The following LIMA1 variants were observed in gnomAD, a reference collection of about 807,000 sequenced individuals.
LIMA1 encodes LIM domain and actin-binding protein 1.
Under a neutral mutation model 62.6 loss-of-function variants are expected in LIMA1, and 52 were observed. That is an observed-to-expected ratio of 0.83 (90% CI 0.67 to 1.05). LIMA1 has a LOEUF of 1.05. Ranked by LOEUF, LIMA1 falls within the 50% of genes least tolerant of loss-of-function variation. The pLI is 0.00. For missense variants in LIMA1, 780 were observed against 902.2 expected (o/e 0.86, Z 1.74); for synonymous variants, 302 against 317.8 (o/e 0.95, Z 0.53).
chr12:50,215,459 ATTTAT>A (rs1237917624), intron 4 of LIMA1, among the ~76,000 whole-genome samples: 1 of 151,704 alleles, frequency 6.6e-6, no homozygotes, highest in Non-Finnish European at 1.5e-5. Context: ...ATATTGCTTT[ATTTAT>A]TTTATTTATT....
chr12:50,272,317 C>T (rs1209609694), intron 1 of LIMA1, among the ~76,000 whole-genome samples: 3 of 151,736 alleles, frequency 2.0e-5, no homozygotes, highest in African/African-American at 2.4e-5. Flanking sequence ...TGGCCGGGCA[C>T]GGTGGCTCAT....
chr12:50,273,121 A>T (rs1031064016), intron 1 of LIMA1, among the ~76,000 whole-genome samples: 1 of 151,552 alleles, frequency 6.6e-6, no homozygotes, highest in Non-Finnish European at 1.5e-5. Context: ...TCCCAGGCTA[A>T]TTTTTGTAAT....
intron 2 of LIMA1, among the ~76,000 whole-genome samples, chr12:50,242,833 C>T (rs1941797095): frequency 6.6e-6 from 1 of 152,144 alleles, no homozygotes; most frequent in South Asian, 2.1e-4. Flanking sequence ...GGATCTGGGC[C>T]TGGGATCTGG....
At chr12:50,186,547 C>T (rs1464481783) in intron 9 of LIMA1, 1 of 152,516 alleles carries the variant, frequency 6.6e-6, no homozygotes, top group Non-Finnish European at 1.5e-5. Flanking sequence ...GGGGTAGTGC[C>T]CAGAGCATAG....
chr12:50,276,585 T>C (rs750235572), intron 1 of LIMA1, among the ~76,000 whole-genome samples: 3 of 152,066 alleles, frequency 2.0e-5, no homozygotes, highest in Non-Finnish European at 4.4e-5. Context: ...AATTTAAAAA[T>C]CCAGGCTGGG....
chr12:50,201,322 G>A (rs886662134), intron 6 of LIMA1: 35 of 987,220 alleles, frequency 3.5e-5, no homozygotes, highest in East Asian at 2.3e-4. Flanking sequence ...ATAAATGCCC[G>A]GCCTGGAAAG....
chr12:50,251,450 G>C lies in LIMA1; in HGVS notation c.-23-2676C>G, dbSNP rs1426821389. Among the ~76,000 whole-genome samples, 6 of 151,972 alleles carry C rather than the reference G, an allele frequency of 3.9e-5. No individual in the cohort carries two copies. In the East Asian group the frequency reaches 9.7e-4, roughly 25 times the overall value. ...AGCCTGACCAACATGGTGAAACCCA[G>C]ACTCTACTAAAAATACAAAAATTAG... On this transcript the variant is annotated intron_variant, in intron 1 of 10. Coordinates refer to ENST00000341247, the MANE Select transcript of LIMA1 (RefSeq NM_016357.5).
At position 50,177,600 on chromosome 12, in the gene LIMA1, A is replaced by T; in HGVS notation, c.1744T>A (p.Ser582Thr). 6.2e-7 allele frequency: 1 copy of T among 1,611,558 alleles called. No individual in the cohort carries two copies. The highest frequency in any genetic ancestry group is 1.7e-4 in the Middle Eastern group (1 of 6,042). The change falls in exon 11 of 11, where the codon TCT (serine) becomes ACT (threonine). Residue 582 changes from serine to threonine, a missense_variant. Physicochemically the swap from Ser to Thr is moderately conservative, Grantham distance 58 (BLOSUM62 1). Coordinates refer to ENST00000341247, the MANE Select transcript of LIMA1 (RefSeq NM_016357.5). ...GGGCGGCTTCTTTCCTTCAGTGAAG[A>T]AGATCGTCTTAGCTTCTTCAGATCT... ...DLDLKKLRRSSSLKERSRPFT... is the reference protein window; with the variant it reads ...DLDLKKLRRSTSLKERSRPFT...
At chr12:50,229,310 T>C (rs1445483513) in intron 3 of LIMA1, among the ~76,000 whole-genome samples, 1 of 152,174 alleles carries the variant, frequency 6.6e-6, no homozygotes, top group Non-Finnish European at 1.5e-5. Context: ...CCTCCTGCGA[T>C]CCTCCCGCCT....
At chr12:50,197,621 A>C (rs1303705392) in intron 7 of LIMA1, among the ~76,000 whole-genome samples, 1 of 152,132 alleles carries the variant, frequency 6.6e-6, no homozygotes, top group Non-Finnish European at 1.5e-5. Context: ...AAAATGTTCT[A>C]ATCTTCCAGT....
chr12:50,271,123 G>A (rs1313143695), intron 1 of LIMA1, among the ~76,000 whole-genome samples: 1 of 151,504 alleles, frequency 6.6e-6, no homozygotes, highest in African/African-American at 2.4e-5. Context: ...AACTGACTTT[G>A]GGCCAGGTGC....
rs1940380261 is a variant in LIMA1, at chr12:50,177,627, GAT to G, written c.1715_1716del (p.Asp572AlafsTer51). 6.2e-7 allele frequency: 1 copy of G among 1,609,672 alleles called. No homozygotes were observed. The highest frequency in any genetic ancestry group is 1.3e-5 in the African/African-American group (1 of 74,612). ...ISKPEVPEDV[D>X]LDLKKLRRSS... ...GATCGTCTTAGCTTCTTCAGATCTA[GAT>G]CGACATCCTCAGGAACTTCGGGCTT... On this transcript the variant is annotated frameshift_variant, in exon 11 of 11. Transcript: ENST00000341247. LOFTEE classifies it low-confidence loss of function (END_TRUNC).
chr12:50,240,104 T>TGAGATGTGAA (rs1565854769), intron 2 of LIMA1, among the ~76,000 whole-genome samples: 4 of 150,518 alleles, frequency 2.7e-5, no homozygotes, highest in Non-Finnish European at 5.9e-5. Flanking sequence ...GAAAATGACC[T>TGAGATGTGAA]GTAGGCTGAG....
In LIMA1 at chr12:50,231,712, T is replaced by C; in HGVS notation, c.120-2A>G. ...GTTTCTTCAGCTGCTTTCTGGTACC[T>C]TCAGAGAAGGGAAGGAAAGAATGTC... On this transcript the variant is annotated splice_acceptor_variant, in intron 2 of 10. Transcript: ENST00000341247. LOFTEE classifies it high-confidence loss of function. The C allele has an allele frequency of 6.2e-7, 1 of 1,610,866 alleles. No homozygotes were observed. The highest frequency in any genetic ancestry group is 8.5e-7 in the Non-Finnish European group (1 of 1,177,026).
chr12:50,237,976 C>G (rs1321600152), intron 2 of LIMA1, among the ~76,000 whole-genome samples: 2 of 152,156 alleles, frequency 1.3e-5, no homozygotes, highest in Non-Finnish European at 2.9e-5. Flanking sequence ...CTATAAAACT[C>G]TTGGTTGAAA....
rs148212861 is a variant in LIMA1 at position 50,251,312 on chromosome 12, A to T, written c.-23-2538T>A. 3.8e-3 allele frequency among the ~76,000 whole-genome samples: 576 copies of T among 152,274 alleles called. 3 individuals are homozygous for T. The highest frequency in any genetic ancestry group is 0.013 in the African/African-American group (540 of 41,552). On this transcript the variant is annotated intron_variant, in intron 1 of 10. Coordinates refer to ENST00000341247, the MANE Select transcript of LIMA1 (RefSeq NM_016357.5). ...AAAGATCAACTCTGGATCAAAGGGGAAAAAATATATACAAGATACATTTGC... is the reference window on the plus strand; with the variant it reads ...AAAGATCAACTCTGGATCAAAGGGGTAAAAATATATACAAGATACATTTGC...
intron 6 of LIMA1, chr12:50,201,528 T>C (rs1047912015): frequency 1.0e-6 from 1 of 984,090 alleles, no homozygotes; most frequent in African/African-American, 1.7e-5. Flanking sequence ...TCATAAGGAA[T>C]AAGGATAATT....
At chr12:50,210,961 C>G (rs985691594) in intron 4 of LIMA1, among the ~76,000 whole-genome samples, 1 of 152,120 alleles carries the variant, frequency 6.6e-6, no homozygotes, top group Non-Finnish European at 1.5e-5. Flanking sequence ...TTCATGATAT[C>G]GCAGGTTCAG....
At chr12:50,256,216 T>A (rs1941995405) in intron 1 of LIMA1, 1 of 146,864 alleles carries the variant, frequency 6.8e-6, no homozygotes, top group Non-Finnish European at 1.5e-5. Flanking sequence ...TTCTTTAACC[T>A]TTTTTTTTTA....
Sources: allele counts gnomAD v4.1 joint callset (sites outside exome capture counted in the v4.1 genomes callset), GRCh38; gene constraint gnomAD v4.1.1; transcripts MANE v1.5; gene names NCBI Gene and HGNC (gene_info 2026-07-23, HGNC 2026-07-21).